Variants in SERPINB9 observed in about 807,000 individuals in gnomAD.
The protein encoded by SERPINB9 is serpin B9.
SERPINB9 carries 20 observed loss-of-function variants against 27.2 expected under a neutral mutation model. The observed-to-expected ratio is 0.74, with a 90% CI of 0.52 to 1.07. The LOEUF (loss-of-function observed/expected upper bound fraction) is 1.07, where lower values mean the gene tolerates loss of function less well. SERPINB9 is among the 50% of genes least tolerant of loss of function. The pLI is 0.00. For missense variants in SERPINB9, 476 were observed against 460.1 expected (o/e 1.03, Z -0.32); for synonymous variants, 189 against 180.0 (o/e 1.05, Z -0.40).
At position 2,900,544 on chromosome 6, in the gene SERPINB9, T is replaced by A; in HGVS notation, c.68A>T (p.Asn23Ile). The change falls in exon 2 of 7, where the codon AAC becomes ATC. Residue 23 changes from asparagine (N) to isoleucine (I), a missense_variant. Transcript: ENST00000380698. ...IRLLKILCQDNPSHNVFCSPV... is the reference protein window; with the variant it reads ...IRLLKILCQDIPSHNVFCSPV... Reference sequence around the variant, plus strand: ...AGAACAGAACACGTTGTGCGAAGGGTTATCTTGACACAGTATCTTTAAAAG... The same window carrying A: ...AGAACAGAACACGTTGTGCGAAGGGATATCTTGACACAGTATCTTTAAAAG... The A allele has an allele frequency of 2.5e-6, 4 of 1,614,034 alleles. No individual in the cohort carries two copies. The highest frequency in any genetic ancestry group is 3.4e-6 in the Non-Finnish European group (4 of 1,179,974).
At chr6:2,902,990 G>C (rs1768253118) in intron 1 of SERPINB9, among the ~76,000 whole-genome samples, 1 of 152,200 alleles carries the variant, frequency 6.6e-6, no homozygotes, top group African/African-American at 2.4e-5. Context: ...GGCGTCCGCG[G>C]TGGCTGTGGG....
intron 4 of SERPINB9, among the ~76,000 whole-genome samples, chr6:2,893,906 T>G (rs1767909254): frequency 6.6e-6 from 1 of 152,122 alleles, no homozygotes; most frequent in Non-Finnish European, 1.5e-5. Flanking sequence ...CAACCCTTCA[T>G]GATCACACCC....
At chr6:2,900,729 G>A in intron 1 of SERPINB9, 108 bp from the exon 2 acceptor site, 1 of 1,000,520 alleles carries the variant, frequency 1.0e-6, no homozygotes, top group Non-Finnish European at 1.5e-6. Flanking sequence ...TCTTCTTAAA[G>A]TTCGTAAGTA....
intron 2 of SERPINB9, among the ~76,000 whole-genome samples, chr6:2,897,639 T>C (rs72838681): frequency 0.03 from 4,509 of 152,224 alleles, 92 homozygotes; most frequent in Non-Finnish European, 0.045. Flanking sequence ...AACTTTAAAA[T>C]CATTATGTTA....
intron 5 of SERPINB9, among the ~76,000 whole-genome samples, chr6:2,892,449 G>C (rs1767843781): frequency 6.6e-6 from 1 of 152,094 alleles, no homozygotes. Flanking sequence ...AGTATAAATG[G>C]ATACACTCTC....
chr6:2,893,327 T>TATA, intron 5 of SERPINB9, 84 bp downstream of exon 5: 1 of 1,397,332 alleles, frequency 7.2e-7, no homozygotes, highest in Non-Finnish European at 9.8e-7. Context: ...GGCTTACGCT[T>TATA]ATGTCACTTA....
intron 2 of SERPINB9, among the ~76,000 whole-genome samples, chr6:2,897,339 G>T (rs1768034834): frequency 6.6e-6 from 1 of 151,966 alleles, no homozygotes; most frequent in Non-Finnish European, 1.5e-5. Context: ...GGTGATGCTT[G>T]CTGGTAATCC....
At position 2,890,641 on chromosome 6, in the gene SERPINB9, T is replaced by C; in HGVS notation, c.724-71A>G. On this transcript the variant is annotated intron_variant, in intron 6 of 6. Transcript: ENST00000380698. The surrounding 1 kb of genome is among the most constrained non-coding windows in gnomAD (Gnocchi z 6.2). ...TGTACAAGCGCACAGGCACTCACAG[T>C]TCCCTTCCTCCCCTTGCACGTAGGT... 1 of 1,415,446 alleles carries C rather than the reference T, an allele frequency of 7.1e-7. No homozygotes were observed. Among genetic ancestry groups the C allele is most frequent in the Middle Eastern group, 1.8e-4 (1 of 5,474 alleles). The allele number at this position is 1,415,446 out of a possible 1,614,324, so 87.7% of individuals were successfully genotyped here.
rs764709674 is a variant in SERPINB9, at chr6:2,890,566, T to C, written c.728A>G (p.Glu243Gly). 1.2e-6 allele frequency: 2 copies of C among 1,606,238 alleles called. No homozygotes were observed. The highest frequency in any genetic ancestry group is 2.7e-5 in the African/African-American group (2 of 74,716). ...PDDGVELSTVEKSLTFEKLTA... is the reference protein window; with the variant it reads ...PDDGVELSTVGKSLTFEKLTA... Reference sequence around the variant, plus strand: ...GAGTTTCTCAAAAGTGAGACTTTTTTCCACCTGAAAGACCAGAATTAGACT... The same window carrying C: ...GAGTTTCTCAAAAGTGAGACTTTTTCCCACCTGAAAGACCAGAATTAGACT... Residue 243 changes from glutamate to glycine, a missense_variant, in exon 7 of 7, where the codon GAA becomes GGA. Physicochemically the swap from Glu to Gly is moderately conservative, Grantham distance 98 (BLOSUM62 -2). Transcript: ENST00000380698. This position sits in a 1 kb window ranked among gnomAD's most constrained non-coding sequence, Gnocchi z 6.2.
chr6:2,895,341 G>T (rs780532458), intron 4 of SERPINB9, 50 bp downstream of exon 4: 2 of 1,231,606 alleles, frequency 1.6e-6, no homozygotes, highest in Non-Finnish European at 2.4e-6. Context: ...AGGAAGAGCC[G>T]CAGGAGGAGG....
intron 2 of SERPINB9, among the ~76,000 whole-genome samples, chr6:2,897,736 A>C (rs1768047653): frequency 6.6e-6 from 1 of 152,194 alleles, no homozygotes; most frequent in Non-Finnish European, 1.5e-5. Context: ...AAAAGAAAAC[A>C]CACATACATA....
chr6:2,899,469 G>C (rs1768119642), intron 2 of SERPINB9, among the ~76,000 whole-genome samples: 1 of 152,122 alleles, frequency 6.6e-6, no homozygotes, highest in African/African-American at 2.4e-5. Context: ...CTTCGTTATT[G>C]ATCTTTTTGC....
intron 4 of SERPINB9, 73 bp downstream of exon 4, chr6:2,895,318 G>A: frequency 4.3e-6 from 4 of 934,538 alleles, no homozygotes; most frequent in Admixed American, 2.0e-5. Context: ...TATAAGAGGC[G>A]GGAAGGAGGA....
At chr6:2,901,712 C>T (rs1768208523) in intron 1 of SERPINB9, among the ~76,000 whole-genome samples, 1 of 152,040 alleles carries the variant, frequency 6.6e-6, no homozygotes, top group South Asian at 2.1e-4. Context: ...GACTCCTTTC[C>T]ATCTCCCCCT....
At position 2,891,893 on chromosome 6, in the gene SERPINB9, G is replaced by A. The variant is rs139289070; in HGVS notation, c.663C>T (p.Tyr221=). Residue 221 remains tyrosine, a synonymous_variant, in exon 6 of 7, where the codon TAC becomes TAT. Coordinates refer to ENST00000380698, the MANE Select transcript of SERPINB9 (RefSeq NM_004155.6). The surrounding 1 kb of genome is among the most constrained non-coding windows in gnomAD (Gnocchi z 4.0). ...CCAGCAGGCTCAGCTCCTTCCTGGCGTAGGGCAGCTCCAGCAGCTGCGCGC... is the reference window on the plus strand; with the variant it reads ...CCAGCAGGCTCAGCTCCTTCCTGGCATAGGGCAGCTCCAGCAGCTGCGCGC... ...EVRAQLLELP[Y]ARKELSLLVL... is the part of the protein sequence containing the mutation. 8 of 1,612,490 alleles carry A rather than the reference G, an allele frequency of 5.0e-6. No homozygotes were observed. In the African/African-American group the frequency reaches 9.4e-5, roughly 19 times the overall value.
chr6:2,899,541 G>A lies in SERPINB9; in HGVS notation c.168+903C>T, dbSNP rs1333627066. Among the ~76,000 whole-genome samples the A allele has an allele frequency of 2.0e-5, 3 of 152,140 alleles. No individual in the cohort carries two copies. The South Asian group carries it at 6.2e-4, about 31-fold the overall frequency. On this transcript the variant is annotated intron_variant, in intron 2 of 6. Transcript: ENST00000380698. ...TTTACTTTTTCCTTTAAAAATCTTA[G>A]TGTTATTTCACCTCCCTGAATGTGC...
Position 2,891,757 on chromosome 6 carries a change from A to G in SERPINB9, c.723+76T>C, listed in dbSNP as rs991356141. 4.7e-6 allele frequency: 7 copies of G among 1,485,714 alleles called. No individual in the cohort carries two copies. The South Asian group carries it at 5.1e-5, about 11-fold the overall frequency. The allele number at this position is 1,485,714 out of a possible 1,614,324, so 92.0% of individuals were successfully genotyped here. A position where few individuals can be genotyped will look rare whatever the true frequency, so the allele number is the denominator to read the frequency against. ...GCCGCATCGCCAACTCAGAAGGTGA[A>G]TATGAGAGGTGGAAGTGGCACTCGA... On this transcript the variant is annotated intron_variant, in intron 6 of 6. Transcript: ENST00000380698. This position sits in a 1 kb window ranked among gnomAD's most constrained non-coding sequence, Gnocchi z 4.0.
chr6:2,901,557 A>C (rs912495563), intron 1 of SERPINB9, among the ~76,000 whole-genome samples: 4 of 152,156 alleles, frequency 2.6e-5, no homozygotes, highest in Admixed American at 1.3e-4. Flanking sequence ...CTGTGAAGCC[A>C]CTGGAGACCA....
chr6:2,895,890 C>T (rs1319401978), intron 3 of SERPINB9, among the ~76,000 whole-genome samples, 163 bp downstream of exon 3: 1 of 151,870 alleles, frequency 6.6e-6, no homozygotes, highest in Non-Finnish European at 1.5e-5. Flanking sequence ...AGTTTAAGAC[C>T]AGCCTGGGCA....
Sources: gnomAD v4.1 joint callset for allele counts (sites outside exome capture counted in the v4.1 genomes callset) on GRCh38, gnomAD v4.1.1 for gene constraint, Gnocchi (gnomAD v3.1) non-coding constraint, MANE v1.5 for transcripts, NCBI Gene and HGNC (gene_info 2026-07-23, HGNC 2026-07-21) for gene names.